Variants in ZNF442 observed in about 807,000 individuals in gnomAD.
ZNF442 encodes the protein zinc finger protein 442.
Under a neutral mutation model 57.0 loss-of-function variants are expected in ZNF442, and 45 were observed. The observed-to-expected ratio is 0.79, with a 90% CI of 0.62 to 1.01. ZNF442 has a LOEUF of 1.01. ZNF442 is among the 50% of genes least tolerant of loss of function. ZNF442 has a pLI of 0.00. For missense variants in ZNF442, 690 were observed against 756.5 expected (o/e 0.91, Z 1.03); for synonymous variants, 213 against 241.8 (o/e 0.88, Z 1.10).
intron 2 of ZNF442, among the ~76,000 whole-genome samples, chr19:12,364,407 C>CAAAAA (rs35227073): frequency 2.1e-5 from 2 of 93,154 alleles, no homozygotes; most frequent in African/African-American, 8.0e-5. Flanking sequence ...AACTCCATCT[C>CAAAAA]AAAAAAAAAA....
Position 12,349,575 on chromosome 19 carries a change from G to T in ZNF442, c.*126C>A. The T allele has an allele frequency of 3.1e-6, 3 of 962,950 alleles. No individual in the cohort carries two copies. The highest frequency in any genetic ancestry group is 5.8e-5 in the Admixed American group (2 of 34,640). 59.7% of individuals were successfully genotyped at this position (962,950 alleles called of 1,614,324 possible). A position where few individuals can be genotyped will look rare whatever the true frequency, so the allele number is the denominator to read the frequency against. ...AACCAATCCCCTGCATATGGTTAGG[G>T]GATAACCATATTCAAAAGAAACATC... is the stretch of plus-strand genomic sequence containing the variant. On this transcript the variant is annotated 3_prime_UTR_variant, in exon 6 of 6. Coordinates refer to ENST00000242804, the MANE Select transcript of ZNF442 (RefSeq NM_030824.3).
chr19:12,356,855 T>C (rs1160075605), intron 3 of ZNF442, among the ~76,000 whole-genome samples: 1 of 152,210 alleles, frequency 6.6e-6, no homozygotes, highest in African/African-American at 2.4e-5. Context: ...CACCTGCTAT[T>C]AGGATTTCCT....
chr19:12,363,756 C>T, intron 2 of ZNF442, 85 bp from the exon 3 acceptor site: 1 of 808,302 alleles, frequency 1.2e-6, no homozygotes, highest in Non-Finnish European at 2.1e-6. Flanking sequence ...CCCATCCCAC[C>T]CAGGGCATCC....
chr19:12,348,280 T>A lies in ZNF442; in HGVS notation c.*1421A>T, dbSNP rs944881217. 2.6e-5 allele frequency: 4 copies of A among 151,866 alleles called. No homozygotes were observed. The highest frequency in any genetic ancestry group is 7.3e-5 in the African/African-American group (3 of 41,324). The allele number at this position is 151,866 out of a possible 1,614,324, so 9.4% of individuals were successfully genotyped here. ...ATCGCTTGAATCTGGGAGGTGGAGGTTGCAGTGAGTCGAGATCGCGCCACT... is the reference window on the plus strand; with the variant it reads ...ATCGCTTGAATCTGGGAGGTGGAGGATGCAGTGAGTCGAGATCGCGCCACT... On this transcript the variant is annotated 3_prime_UTR_variant, in exon 6 of 6. Transcript: ENST00000242804.
chr19:12,370,085 A>T (rs1432056210), upstream of ZNF442, among the ~76,000 whole-genome samples: 1 of 151,938 alleles, frequency 6.6e-6, no homozygotes, highest in Non-Finnish European at 1.5e-5. Context: ...GGGTGATTCA[A>T]GTACATTACA....
intron 3 of ZNF442, among the ~76,000 whole-genome samples, chr19:12,358,252 C>T (rs1377434209): frequency 2.0e-5 from 3 of 152,158 alleles, no homozygotes; most frequent in South Asian, 2.1e-4. Flanking sequence ...CGTGAGCCAC[C>T]GTGCCTAGCC....
Position 12,349,704 on chromosome 19 carries a change from T to C in ZNF442, c.1881A>G (p.Leu627=), listed in dbSNP as rs769627389. The C allele has an allele frequency of 2.5e-6, 4 of 1,594,720 alleles. No individual in the cohort carries two copies. The highest frequency in any genetic ancestry group is 2.2e-5 in the East Asian group (1 of 44,722). Residue 627 remains leucine (L), a synonymous_variant, in exon 6 of 6, where the codon CTA becomes CTG. Transcript: ENST00000242804. ...RHKRTHWRDT[L] Reference sequence around the variant, plus strand: ...ATTAATGAATGCTTTTCCACATTTATAGAGTATCTCTCCAGTGAGTCCTTT... The same window carrying C: ...ATTAATGAATGCTTTTCCACATTTACAGAGTATCTCTCCAGTGAGTCCTTT...
intron 3 of ZNF442, among the ~76,000 whole-genome samples, chr19:12,355,895 G>A (rs1470913685): frequency 2.6e-5 from 4 of 152,078 alleles, no homozygotes; most frequent in South Asian, 4.1e-4. Context: ...AGCTACCTAG[G>A]AGGCTGAGGT....
intron 3 of ZNF442, among the ~76,000 whole-genome samples, chr19:12,357,349 C>CTTTTTTTTT (rs5827145): frequency 3.4e-4 from 32 of 95,350 alleles, no homozygotes; most frequent in Admixed American, 3.9e-4. Flanking sequence ...CTTTTTCTTT[C>CTTTTTTTTT]TTTTTTTTTT....
intron 2 of ZNF442, 122 bp downstream of exon 2, chr19:12,364,680 A>T (rs900711933): frequency 3.3e-5 from 5 of 152,268 alleles, no homozygotes; most frequent in Non-Finnish European, 7.3e-5. Context: ...AAACTCGAAG[A>T]GGAATCAGTC....
chr19:12,368,260 C>T (rs930191773), upstream of ZNF442, among the ~76,000 whole-genome samples: 9 of 151,824 alleles, frequency 5.9e-5, no homozygotes, highest in African/African-American at 1.7e-4. Context: ...CCTTAGCTTA[C>T]GAAGATAACA....
chr19:12,362,598 A>AGCCCCCGCCTGGCAGCC (rs1969452424), intron 3 of ZNF442, among the ~76,000 whole-genome samples: 1 of 137,994 alleles, frequency 7.2e-6, no homozygotes, highest in African/African-American at 2.7e-5. Context: ...GGTGGGGGGC[A>AGCCCCCGCCTGGCAGCC]GCCCCCGCCT....
Position 12,350,931 on chromosome 19 carries a change from A to G in ZNF442, c.654T>C (p.Phe218=), listed in dbSNP as rs117398535. The G allele has an allele frequency of 5.7e-3, 9,170 of 1,614,166 alleles. 32 individuals carry two copies. The highest frequency in any genetic ancestry group is 5.9e-3 in the Non-Finnish European group (6,941 of 1,180,024). The change falls in exon 6 of 6, where the codon TTT becomes TTC. Residue 218 remains phenylalanine (F), a synonymous_variant. Coordinates refer to ENST00000242804, the MANE Select transcript of ZNF442 (RefSeq NM_030824.3). ...GCATACGAAATAAACTAGGCCAAAA[A>G]AAGGCTTTCCCACACAACTTACATA... ...PYICKLCGKA[F]FWPSLFRMHE... is the part of the protein sequence containing the mutation.
intron 3 of ZNF442, among the ~76,000 whole-genome samples, chr19:12,360,655 C>A (rs1027082732): frequency 6.6e-6 from 1 of 152,226 alleles, no homozygotes; most frequent in African/African-American, 2.4e-5. Context: ...CAGCTCACTG[C>A]AACCTACACT....
chr19:12,353,115 C>A lies in ZNF442; in HGVS notation c.79-1G>T. 7 of 1,608,340 alleles carry A rather than the reference C, an allele frequency of 4.4e-6. No homozygotes were observed. Among genetic ancestry groups the A allele is most frequent in the Non-Finnish European group, 5.9e-6 (7 of 1,178,338 alleles). ...CCACATCCTCAAAGGCTACTGAATC[C>A]TGAAACACCCCACATGTACAAAGGA... On this transcript the variant is annotated splice_acceptor_variant, in intron 3 of 5. Coordinates refer to ENST00000242804, the MANE Select transcript of ZNF442 (RefSeq NM_030824.3). LOFTEE classifies it high-confidence loss of function.
At chr19:12,362,184 A>G (rs140950811) in intron 3 of ZNF442, among the ~76,000 whole-genome samples, 6,996 of 151,732 alleles carry the variant, frequency 0.046, 541 homozygotes, top group African/African-American at 0.16. Context: ...GCTGCCCATC[A>G]TCTGGGATGT....
upstream of ZNF442, among the ~76,000 whole-genome samples, chr19:12,369,912 A>G (rs934833136): frequency 2.0e-5 from 3 of 151,812 alleles, no homozygotes; most frequent in Non-Finnish European, 4.4e-5. Context: ...CTAAAAAAAA[A>G]AAAACACGAC....
chr19:12,352,550 CT>C (rs1458894070), intron 4 of ZNF442, among the ~76,000 whole-genome samples: 2 of 152,192 alleles, frequency 1.3e-5, no homozygotes, highest in Non-Finnish European at 2.9e-5. Flanking sequence ...TCTGCTACCC[CT>C]GGGACACCAA....
chr19:12,362,521 C>T (rs1227523258), intron 3 of ZNF442, among the ~76,000 whole-genome samples: 1 of 151,520 alleles, frequency 6.6e-6, no homozygotes, highest in Non-Finnish European at 1.5e-5. Context: ...TGTCTCCGCC[C>T]GGCAGCCGCC....
Sources: allele counts gnomAD v4.1 joint callset (sites outside exome capture counted in the v4.1 genomes callset), GRCh38; gene constraint gnomAD v4.1.1; transcripts MANE v1.5; gene names NCBI Gene and HGNC (gene_info 2026-07-23, HGNC 2026-07-21).